The following WDPCP variants were observed in gnomAD, a reference collection of about 807,000 sequenced individuals.
WDPCP encodes the protein WD repeat containing planar cell polarity effector, also known as WD repeat-containing and planar cell polarity effector protein fritz homolog.
A neutral mutation model predicts 93.1 loss-of-function variants in WDPCP; 71 were observed. The ratio of observed to expected loss-of-function variants is 0.76; its 90% CI spans 0.63 to 0.93. The LOEUF (loss-of-function observed/expected upper bound fraction) is 0.93. WDPCP is among the 40% of genes least tolerant of loss of function. WDPCP has a pLI of 0.00. For synonymous variants in WDPCP, 315 were observed against 315.0 expected (o/e 1.00, Z 0.00); for missense variants, 844 against 887.4 (o/e 0.95, Z 0.62).
intron 15 of WDPCP, among the ~76,000 whole-genome samples, chr2:63,170,102 C>T (rs1673278062): frequency 6.6e-6 from 1 of 151,242 alleles, no homozygotes; most frequent in East Asian, 2.0e-4. Context: ...CTATGTTGCC[C>T]AGGCTGGTCT....
At chr2:63,152,306 GCT>G (rs1650263502) in intron 17 of WDPCP, among the ~76,000 whole-genome samples, 1 of 141,990 alleles carries the variant, frequency 7.0e-6, no homozygotes, top group Admixed American at 7.2e-5. Flanking sequence ...ACAGAGTCTT[GCT>G]CTGTCACCCA....
intron 1 of WDPCP, among the ~76,000 whole-genome samples, chr2:63,575,366 T>C (rs1007573918): frequency 2.3e-5 from 3 of 130,392 alleles, no homozygotes; most frequent in Admixed American, 7.6e-5. Flanking sequence ...ATACAGTATA[T>C]ACAGTATATA....
intron 3 of WDPCP, among the ~76,000 whole-genome samples, chr2:63,624,925 C>T (rs998819372): frequency 6.6e-6 from 1 of 152,126 alleles, no homozygotes; most frequent in Non-Finnish European, 1.5e-5. Flanking sequence ...TGTGAAAATC[C>T]TCAAAACAAT....
At chr2:63,245,343 A>G (rs1432172832) in intron 14 of WDPCP, among the ~76,000 whole-genome samples, 1 of 152,206 alleles carries the variant, frequency 6.6e-6, no homozygotes, top group East Asian at 1.9e-4. Flanking sequence ...CAAATAGTCT[A>G]TATTAAATAA....
intron 3 of WDPCP, among the ~76,000 whole-genome samples, chr2:63,646,904 G>C (rs1387121884): frequency 1.3e-5 from 2 of 151,982 alleles, no homozygotes; most frequent in African/African-American, 4.8e-5. Flanking sequence ...GGTTAAATCT[G>C]CTTGGTGTTC....
intron 2 of WDPCP, among the ~76,000 whole-genome samples, chr2:63,722,372 T>C (rs1272478822): frequency 7.1e-6 from 1 of 140,012 alleles, no homozygotes; most frequent in Non-Finnish European, 1.5e-5. Flanking sequence ...GGAGCGCCTC[T>C]GCCCCGCCGC....
chr2:63,333,630 G>A (rs1348797759), intron 12 of WDPCP, among the ~76,000 whole-genome samples: 7 of 152,186 alleles, frequency 4.6e-5, no homozygotes, highest in Non-Finnish European at 7.3e-5. Context: ...ACTAGAAAAT[G>A]TTTAAATTTA....
chr2:63,338,563 AAAAAAAATATATAT>A lies in WDPCP; in HGVS notation c.1749-25266_1749-25253del, dbSNP rs1366740446. Among the ~76,000 whole-genome samples the A allele has an allele frequency of 2.7e-3, 237 of 86,466 alleles. 14 individuals are homozygous for A. Among genetic ancestry groups the A allele is most frequent in the South Asian group, 6.5e-3 (17 of 2,630 alleles). 56.7% of individuals were successfully genotyped at this position (86,466 alleles called of 152,430 possible). ...GCAAAACTCCATCTAAAAAAAAAAA[AAAAAAAATATATAT>A]ATATATATATATATATATATATATA... is the stretch of plus-strand genomic sequence containing the variant. On this transcript the variant is annotated intron_variant, in intron 12 of 17. Transcript: ENST00000272321.
intron 9 of WDPCP, among the ~76,000 whole-genome samples, chr2:63,417,881 C>T (rs1230701667): frequency 6.6e-6 from 1 of 151,134 alleles, no homozygotes; most frequent in Non-Finnish European, 1.5e-5. Context: ...GGACAATCAT[C>T]AATAAAAATG....
intron 2 of WDPCP, among the ~76,000 whole-genome samples, chr2:63,664,418 C>T (rs1361189864): frequency 1.3e-5 from 2 of 152,200 alleles, no homozygotes; most frequent in African/African-American, 4.8e-5. Flanking sequence ...TGGGATTGGG[C>T]ACTACCATCA....
chr2:63,817,330 G>A (rs556491279), intron 1 of WDPCP, among the ~76,000 whole-genome samples: 60 of 152,148 alleles, frequency 3.9e-4, no homozygotes, highest in Admixed American at 2.6e-4. Flanking sequence ...GGCTGGTCTC[G>A]AACTCCTGAC....
chr2:63,598,981 T>A (rs1709369843), intron 3 of WDPCP, among the ~76,000 whole-genome samples: 1 of 152,128 alleles, frequency 6.6e-6, no homozygotes. Flanking sequence ...TATTTCAAAA[T>A]TTTTTATTAC....
At chr2:63,762,405 T>C (rs1670069081) in intron 2 of WDPCP, among the ~76,000 whole-genome samples, 1 of 152,330 alleles carries the variant, frequency 6.6e-6, no homozygotes, top group African/African-American at 2.4e-5. Flanking sequence ...AAAAATGCAC[T>C]CATTACCCCT....
chr2:63,544,525 A>T (rs1488197159), intron 1 of WDPCP, among the ~76,000 whole-genome samples: 1 of 152,152 alleles, frequency 6.6e-6, no homozygotes, highest in East Asian at 1.9e-4. Context: ...ACTTTTAAAA[A>T]TCTAGAATGT....
upstream of WDPCP, among the ~76,000 whole-genome samples, chr2:63,828,129 A>T (rs1017353161): frequency 6.6e-6 from 1 of 151,682 alleles, no homozygotes; most frequent in South Asian, 2.1e-4. Context: ...GATGTTTTTT[A>T]GATCTCTTCT....
chr2:63,217,406 T>A (rs1375083414), intron 14 of WDPCP, among the ~76,000 whole-genome samples: 1 of 152,216 alleles, frequency 6.6e-6, no homozygotes, highest in Admixed American at 6.5e-5. Context: ...TGCCTACCTC[T>A]GCTTTAAAAT....
intron 14 of WDPCP, among the ~76,000 whole-genome samples, chr2:63,185,856 T>C (rs1018023093): frequency 5.3e-5 from 8 of 152,042 alleles, no homozygotes; most frequent in East Asian, 1.9e-4. Context: ...CCTGAGAGAG[T>C]GTGTGAAGCT....
chr2:63,664,890 C>T (rs1710266114), intron 2 of WDPCP, among the ~76,000 whole-genome samples: 1 of 152,082 alleles, frequency 6.6e-6, no homozygotes, highest in Non-Finnish European at 1.5e-5. Flanking sequence ...AAACACATTG[C>T]CCCAGGTCAC....
At chr2:63,697,799 C>A (rs1272179461) in intron 2 of WDPCP, among the ~76,000 whole-genome samples, 4 of 151,512 alleles carry the variant, frequency 2.6e-5, no homozygotes, top group Admixed American at 1.3e-4. Context: ...AGGGGTGTAC[C>A]ACCATGCCAG....
Sources: allele counts gnomAD v4.1 joint callset (sites outside exome capture counted in the v4.1 genomes callset), GRCh38; gene constraint gnomAD v4.1.1; transcripts MANE v1.5; gene names NCBI Gene and HGNC (gene_info 2026-07-23, HGNC 2026-07-21).